PHKB: variants seen among roughly 807,000 people sequenced by gnomAD.
PHKB encodes the protein phosphorylase kinase regulatory subunit beta.
PHKB carries 122 observed loss-of-function variants against 152.1 expected under a neutral mutation model. The ratio of observed to expected loss-of-function variants is 0.80; its 90% CI spans 0.69 to 0.93. PHKB has a LOEUF of 0.93. Ranked by LOEUF, PHKB falls within the 40% of genes least tolerant of loss-of-function variation. The pLI, the probability that PHKB is intolerant of heterozygous loss-of-function variation, is 0.00. For synonymous variants in PHKB, 436 were observed against 464.9 expected, an observed-to-expected ratio of 0.94 and a Z score of 0.80; for missense variants, 1,304 against 1,328.4, an observed-to-expected ratio of 0.98 and a Z score of 0.29.
chr16:47,558,358 T>C (rs1971417934), intron 7 of PHKB, among the ~76,000 whole-genome samples: 1 of 152,048 alleles, frequency 6.6e-6, no homozygotes, highest in South Asian at 2.1e-4. Context: ...GTTGTGCACA[T>C]GTACCCTAAA....
At chr16:47,576,629 A>G (rs578067690) in intron 7 of PHKB, among the ~76,000 whole-genome samples, 1 of 152,232 alleles carries the variant, frequency 6.6e-6, no homozygotes, top group South Asian at 2.1e-4. Flanking sequence ...TATTTCACAC[A>G]TTTTGCAACT....
intron 25 of PHKB, among the ~76,000 whole-genome samples, chr16:47,668,519 A>G (rs1973578759): frequency 6.6e-6 from 1 of 152,210 alleles, no homozygotes; most frequent in Non-Finnish European, 1.5e-5. Context: ...AATGCCAAGT[A>G]TAGAGGAGAG....
At chr16:47,666,154 G>A in intron 25 of PHKB, 2 of 742,710 alleles carry the variant, frequency 2.7e-6, no homozygotes, top group Non-Finnish European at 4.8e-6. Flanking sequence ...ATTTATAAGG[G>A]CTCAGGCACT....
chr16:47,548,606 C>CAAAAAAAAAAA (rs11333810), intron 7 of PHKB, among the ~76,000 whole-genome samples: 1 of 83,548 alleles, frequency 1.2e-5, no homozygotes. Context: ...GACTCCGTCT[C>CAAAAAAAAAAA]AAAAAAAAAA....
chr16:47,559,956 T>G (rs778537247), intron 7 of PHKB, among the ~76,000 whole-genome samples: 31 of 152,244 alleles, frequency 2.0e-4, no homozygotes, highest in Non-Finnish European at 2.5e-4. Context: ...AAGAGCCTGC[T>G]GCCATTAGTG....
chr16:47,636,364 A>G, intron 14 of PHKB, among the ~76,000 whole-genome samples: 1 of 152,208 alleles, frequency 6.6e-6, no homozygotes, highest in Non-Finnish European at 1.5e-5. Flanking sequence ...TCATGGAGCC[A>G]GAGGGGGCCA....
At chr16:47,658,813 T>TGC (rs1973386332) in intron 20 of PHKB, among the ~76,000 whole-genome samples, 1 of 146,128 alleles carries the variant, frequency 6.8e-6, no homozygotes, top group African/African-American at 2.6e-5. Context: ...CATGACAGTG[T>TGC]GTGTGTGTGT....
intron 25 of PHKB, chr16:47,665,292 G>A: frequency 3.2e-6 from 1 of 317,120 alleles, no homozygotes; most frequent in South Asian, 3.1e-5. Flanking sequence ...TTACTTTTGA[G>A]GGAAAAAAAT....
chr16:47,515,837 T>A (rs1253776637), intron 6 of PHKB, among the ~76,000 whole-genome samples: 2 of 152,178 alleles, frequency 1.3e-5, no homozygotes, highest in Non-Finnish European at 2.9e-5. Context: ...GTGAAGACTC[T>A]ATTTCAGGTG....
chr16:47,567,298 C>T (rs1479431581), intron 7 of PHKB, among the ~76,000 whole-genome samples: 7 of 149,642 alleles, frequency 4.7e-5, no homozygotes, highest in African/African-American at 7.4e-5. Flanking sequence ...TTTTTTTCTT[C>T]GCAACTATTG....
intron 25 of PHKB, 48 bp downstream of exon 25, chr16:47,665,023 C>A (rs367568970): frequency 1.7e-6 from 2 of 1,160,652 alleles, no homozygotes; most frequent in South Asian, 1.2e-5. Flanking sequence ...AATGTGTGGG[C>A]TTATTTGCAC....
chr16:47,540,667 G>T (rs1032617534), intron 6 of PHKB, among the ~76,000 whole-genome samples: 23 of 151,824 alleles, frequency 1.5e-4, no homozygotes, highest in African/African-American at 5.6e-4. Flanking sequence ...AAATATTGGG[G>T]ACGGGTTCCC....
intron 19 of PHKB, 41 bp downstream of exon 19, chr16:47,650,667 C>T: frequency 7.3e-7 from 1 of 1,370,000 alleles, no homozygotes; most frequent in Non-Finnish European, 1.0e-6. Context: ...GTCTCACTGA[C>T]ATGAACACAG....
intron 6 of PHKB, among the ~76,000 whole-genome samples, chr16:47,522,739 T>C (rs564851706): frequency 6.6e-6 from 1 of 152,040 alleles, no homozygotes; most frequent in Non-Finnish European, 1.5e-5. Context: ...GTGGTTTTTT[T>C]ATTCATTCAT....
chr16:47,625,374 T>C (rs774767357), intron 14 of PHKB, among the ~76,000 whole-genome samples: 3 of 152,230 alleles, frequency 2.0e-5, no homozygotes, highest in Non-Finnish European at 2.9e-5. Context: ...TAGCTTTTCA[T>C]TCCACTTAGA....
intron 7 of PHKB, among the ~76,000 whole-genome samples, chr16:47,577,973 T>C (rs1971778013): frequency 6.6e-6 from 1 of 152,176 alleles, no homozygotes; most frequent in South Asian, 2.1e-4. Flanking sequence ...TACTTTGTTA[T>C]GATCCCACAA....
chr16:47,675,293 C>T (rs1973707360), intron 26 of PHKB, among the ~76,000 whole-genome samples: 1 of 152,076 alleles, frequency 6.6e-6, no homozygotes. Flanking sequence ...TTGGTGTCCT[C>T]GTTGGATGTG....
At chr16:47,474,515 T>C (rs956618947) in intron 1 of PHKB, among the ~76,000 whole-genome samples, 4 of 152,228 alleles carry the variant, frequency 2.6e-5, no homozygotes, top group African/African-American at 7.2e-5. Flanking sequence ...ACTTGTATTC[T>C]TTATTATATT....
chr16:47,467,658 C>G (rs1597006982), intron 1 of PHKB, among the ~76,000 whole-genome samples: 1 of 152,034 alleles, frequency 6.6e-6, no homozygotes, highest in Non-Finnish European at 1.5e-5. Context: ...ATGACTTAAC[C>G]CCCTTGGCAT....
Sources: allele counts gnomAD v4.1 joint callset (sites outside exome capture counted in the v4.1 genomes callset), GRCh38; gene constraint gnomAD v4.1.1; transcripts MANE v1.5; gene names NCBI Gene and HGNC (gene_info 2026-07-23, HGNC 2026-07-21).